TCF12: variants seen among roughly 807,000 people sequenced by gnomAD.
The protein encoded by TCF12 is transcription factor 12, also known as DNA-binding protein HTF4.
TCF12 carries 45 observed loss-of-function variants against 86.0 expected under a neutral mutation model. That is an observed-to-expected ratio of 0.52 (90% confidence interval 0.41 to 0.67). The LOEUF is 0.67. Among genes scored for constraint, TCF12 ranks in the 30% least tolerant of loss-of-function variants. TCF12 has a pLI of 0.00. For synonymous variants in TCF12, 330 were observed against 299.6 expected (o/e 1.10, Z -1.05); for missense variants, 881 against 859.9 (o/e 1.02, Z -0.31).
chr15:57,019,408 G>C (rs28669321), intron 3 of TCF12, among the ~76,000 whole-genome samples: 1,959 of 152,228 alleles, frequency 0.013, 52 homozygotes, highest in African/African-American at 0.041. Context: ...AGTAAAGAAA[G>C]AGTTTAATGC....
chr15:57,062,641 T>G (rs1283671573), intron 3 of TCF12, among the ~76,000 whole-genome samples: 2 of 152,166 alleles, frequency 1.3e-5, no homozygotes, highest in African/African-American at 4.8e-5. Context: ...GCCTTAGTAA[T>G]CATTGCAAAT....
At position 57,263,107 on chromosome 15, in the gene TCF12, G is replaced by A; in HGVS notation, c.1583-5G>A. On this transcript the variant is annotated splice_polypyrimidine_tract_variant and splice_region_variant and intron_variant, in intron 17 of 20. Transcript: ENST00000333725. ...TATTTTATCTTTCCTTTGCCTCTTT[G>A]TTAGGTGGCTTGCAAAGTCAGTCTG... is the stretch of plus-strand genomic sequence containing the variant. The A allele has an allele frequency of 6.3e-7, 1 of 1,590,540 alleles. No individual in the cohort carries two copies. Among genetic ancestry groups the A allele is most frequent in the Non-Finnish European group, 8.5e-7 (1 of 1,173,988 alleles).
At chr15:57,266,623 G>A (rs1415932420) in intron 18 of TCF12, among the ~76,000 whole-genome samples, 1 of 152,158 alleles carries the variant, frequency 6.6e-6, no homozygotes, top group Non-Finnish European at 1.5e-5. Flanking sequence ...TGTTGTCGTG[G>A]AGTTTTCTAG....
intron 3 of TCF12, among the ~76,000 whole-genome samples, chr15:56,967,587 TC>T (rs556059215): frequency 2.0e-4 from 31 of 152,230 alleles, no homozygotes; most frequent in Non-Finnish European, 3.7e-4. Context: ...CTTTCCTTGC[TC>T]TTGGTTTTTT....
Position 57,075,758 on chromosome 15 carries a change from T to TTTTCTTTC in TCF12, c.222+11977_222+11984dup, listed in dbSNP as rs762262996. On this transcript the variant is annotated intron_variant, in intron 4 of 20. Transcript: ENST00000333725. ...TTTTCTGGACATGACATGAGGTTTC[T>TTTTCTTTC]TTTCTTTCTTTCTTTCTTTCTTTCT... Among the ~76,000 whole-genome samples, 602 of 91,230 alleles carry TTTTCTTTC rather than the reference T, an allele frequency of 6.6e-3. 60 individuals are homozygous for TTTTCTTTC. Among genetic ancestry groups the TTTTCTTTC allele is most frequent in the East Asian group, 9.2e-3 (23 of 2,494 alleles). 59.9% of individuals were successfully genotyped at this position (91,230 alleles called of 152,430 possible).
At chr15:57,154,332 C>T (rs1482166719) in intron 5 of TCF12, among the ~76,000 whole-genome samples, 1 of 152,168 alleles carries the variant, frequency 6.6e-6, no homozygotes, top group Non-Finnish European at 1.5e-5. Context: ...GTTTGCCCTT[C>T]TTTCCCCCGT....
intron 5 of TCF12, among the ~76,000 whole-genome samples, chr15:57,158,188 C>T (rs1841696): frequency 0.68 from 94,046 of 138,644 alleles, 33,784 homozygotes; most frequent in Non-Finnish European, 0.81. Context: ...AAAGTCGTTT[C>T]TTTTTTTTTT....
At chr15:57,004,698 C>T (rs551714024) in intron 3 of TCF12, among the ~76,000 whole-genome samples, 5 of 152,112 alleles carry the variant, frequency 3.3e-5, no homozygotes, top group South Asian at 2.1e-4. Flanking sequence ...TGTGAGCCAC[C>T]GCGACCGACC....
chr15:57,094,275 G>A (rs1265477468), intron 5 of TCF12, among the ~76,000 whole-genome samples: 1 of 152,160 alleles, frequency 6.6e-6, no homozygotes, highest in Non-Finnish European at 1.5e-5. Flanking sequence ...ACCCTGAAAT[G>A]ATTAAGTAGA....
Position 57,057,849 on chromosome 15 carries a change from G to A in TCF12, c.149-5901G>A, listed in dbSNP as rs943903177. Among the ~76,000 whole-genome samples, 4 of 152,178 alleles carry A rather than the reference G, an allele frequency of 2.6e-5. 1 individual carries two copies. The highest frequency in any genetic ancestry group is 4.4e-5 in the Non-Finnish European group (3 of 68,028). On this transcript the variant is annotated intron_variant, in intron 3 of 20. Transcript: ENST00000333725. ...AGATGATTTGATTGTGTTAAAAATAGCATCAACGTTTTGTTTTTTGTTTTT... is the reference window on the plus strand; with the variant it reads ...AGATGATTTGATTGTGTTAAAAATAACATCAACGTTTTGTTTTTTGTTTTT...
intron 20 of TCF12, among the ~76,000 whole-genome samples, chr15:57,282,860 C>T (rs1223652248): frequency 2.0e-5 from 3 of 152,236 alleles, no homozygotes; most frequent in Non-Finnish European, 4.4e-5. Flanking sequence ...CATGTGTACT[C>T]TCTTACATGA....
intron 4 of TCF12, chr15:57,072,626 A>G (rs1235033609): frequency 7.8e-7 from 1 of 1,282,322 alleles, no homozygotes; most frequent in Admixed American, 2.7e-5. Context: ...GAATTTTGAA[A>G]TAGTATTTTA....
chr15:57,134,887 G>GTT (rs11298596), intron 5 of TCF12, among the ~76,000 whole-genome samples: 11 of 141,348 alleles, frequency 7.8e-5, no homozygotes, highest in Non-Finnish European at 1.4e-4. Flanking sequence ...GGGTTTTTGT[G>GTT]TTTTTTTTTT....
chr15:57,289,305 A>G lies in TCF12; in HGVS notation c.*3160A>G, dbSNP rs1373309135. 3 of 152,242 alleles carry G rather than the reference A, an allele frequency of 2.0e-5. No homozygotes were observed. The highest frequency in any genetic ancestry group is 4.4e-5 in the Non-Finnish European group (3 of 68,046). The allele number at this position is 152,242 out of a possible 1,614,324, so 9.4% of individuals were successfully genotyped here. A position where few individuals can be genotyped will look rare whatever the true frequency, so the allele number is the denominator to read the frequency against. ...ATAAAAAGCTCTAAGAAGAAAATGTATAATCTTAGAGCTGAAATAAAATAT... is the reference window on the plus strand; with the variant it reads ...ATAAAAAGCTCTAAGAAGAAAATGTGTAATCTTAGAGCTGAAATAAAATAT... On this transcript the variant is annotated 3_prime_UTR_variant, in exon 21 of 21. Transcript: ENST00000333725.
chr15:57,189,743 C>T (rs531016221), intron 6 of TCF12, among the ~76,000 whole-genome samples: 6 of 151,972 alleles, frequency 3.9e-5, no homozygotes, highest in Non-Finnish European at 8.8e-5. Context: ...AGTTATATAC[C>T]CAAAAGAATT....
intron 4 of TCF12, chr15:57,072,850 A>G (rs1379871080): frequency 2.2e-6 from 1 of 449,240 alleles, no homozygotes; most frequent in Admixed American, 4.9e-5. Flanking sequence ...AGGTTTAAAT[A>G]AAGCCAGAAG....
At chr15:57,214,512 G>A (rs2058253182) in intron 8 of TCF12, 1 of 152,122 alleles carries the variant, frequency 6.6e-6, no homozygotes, top group African/African-American at 2.4e-5. Context: ...TGGCTATATA[G>A]GTAGGTGTTT....
intron 5 of TCF12, among the ~76,000 whole-genome samples, chr15:57,136,677 A>G (rs1712737153): frequency 6.6e-6 from 1 of 152,134 alleles, no homozygotes; most frequent in South Asian, 2.1e-4. Context: ...ATTTCGTAAT[A>G]GATGTTTTCT....
intron 5 of TCF12, among the ~76,000 whole-genome samples, chr15:57,105,066 G>A (rs1464493188): frequency 5.3e-5 from 8 of 151,408 alleles, no homozygotes; most frequent in African/African-American, 1.7e-4. Flanking sequence ...TAGAGATGGC[G>A]TTTCACCATG....
Sources: allele counts gnomAD v4.1 joint callset (sites outside exome capture counted in the v4.1 genomes callset), GRCh38; gene constraint gnomAD v4.1.1; transcripts MANE v1.5; gene names NCBI Gene and HGNC (gene_info 2026-07-23, HGNC 2026-07-21).